Variants in CYTH3 observed in about 807,000 individuals in gnomAD.
CYTH3 encodes cytohesin 3, also known as cytohesin-3.
Under a neutral mutation model 55.1 loss-of-function variants are expected in CYTH3, and 23 were observed. The observed-to-expected ratio is 0.42, with a 90% CI of 0.30 to 0.59. The LOEUF is 0.59. Ranked by LOEUF, CYTH3 falls within the 20% of genes least tolerant of loss-of-function variation. The pLI, the probability that CYTH3 is intolerant of heterozygous loss-of-function variation, is 0.20. For missense variants in CYTH3, 413 were observed against 524.8 expected (o/e 0.79, Z 2.08); for synonymous variants, 249 against 194.9 (o/e 1.28, Z -2.31).
intron 1 of CYTH3, among the ~76,000 whole-genome samples, chr7:6,255,686 A>G (rs1291978248): frequency 2.6e-5 from 4 of 151,904 alleles, no homozygotes; most frequent in Non-Finnish European, 5.9e-5. Context: ...TTATGAAATT[A>G]AGGACTTACA....
At chr7:6,252,704 A>T (rs1052377397) in intron 1 of CYTH3, among the ~76,000 whole-genome samples, 1 of 152,166 alleles carries the variant, frequency 6.6e-6, no homozygotes, top group Admixed American at 6.5e-5. Flanking sequence ...GTGTTGAGGG[A>T]GGGAAGAAGA....
At chr7:6,267,439 C>T (rs1196196520) in intron 1 of CYTH3, among the ~76,000 whole-genome samples, 1 of 152,220 alleles carries the variant, frequency 6.6e-6, no homozygotes. Context: ...CTCAAAAATA[C>T]AGTAGTTAAC....
chr7:6,269,725 G>C (rs369896238), intron 1 of CYTH3, among the ~76,000 whole-genome samples: 2 of 152,172 alleles, frequency 1.3e-5, no homozygotes, highest in East Asian at 1.9e-4. Context: ...CGCTCCTCTT[G>C]TAACTGCCTT....
intron 1 of CYTH3, among the ~76,000 whole-genome samples, chr7:6,257,791 T>C (rs1395236944): frequency 6.6e-6 from 1 of 152,200 alleles, no homozygotes; most frequent in Non-Finnish European, 1.5e-5. Flanking sequence ...TACAGTACAC[T>C]GCTGTTCAAT....
At chr7:6,265,324 A>C (rs1008997031) in intron 1 of CYTH3, among the ~76,000 whole-genome samples, 7 of 152,074 alleles carry the variant, frequency 4.6e-5, no homozygotes, top group Non-Finnish European at 2.9e-5. Context: ...TTATGAAAAA[A>C]AAGCTTGGCT....
chr7:6,182,915 G>C (rs545757397), intron 4 of CYTH3, among the ~76,000 whole-genome samples: 3 of 152,294 alleles, frequency 2.0e-5, no homozygotes, highest in East Asian at 1.9e-4. Context: ...GTGGTGCTTG[G>C]TGGGTGTTTG....
chr7:6,244,673 C>CT (rs1178693619), intron 1 of CYTH3, among the ~76,000 whole-genome samples: 3 of 151,954 alleles, frequency 2.0e-5, no homozygotes, highest in Admixed American at 2.0e-4. Context: ...ATTTCCTAGG[C>CT]TAAATTATTG....
At chr7:6,196,248 T>G (rs151009523) in intron 1 of CYTH3, among the ~76,000 whole-genome samples, 27 of 152,074 alleles carry the variant, frequency 1.8e-4, no homozygotes, top group African/African-American at 6.3e-4. Flanking sequence ...ACACTTAGCG[T>G]TGAAGGAGAA....
At chr7:6,175,770 C>T (rs188118698) in intron 5 of CYTH3, among the ~76,000 whole-genome samples, 1 of 152,108 alleles carries the variant, frequency 6.6e-6, no homozygotes, top group African/African-American at 2.4e-5. Flanking sequence ...TGGTCTTAAA[C>T]TCCTGACCTC....
At position 6,170,059 on chromosome 7, in the gene CYTH3, G is replaced by T; in HGVS notation, c.823+476C>A. ...GAGGAATGAGCCGCTGAGGGGGCGG[G>T]GAGCCACTGGGTACCTACCTCCTAA... On this transcript the variant is annotated intron_variant, in intron 9 of 12. Transcript: ENST00000350796. The surrounding 1 kb of genome is among the most constrained non-coding windows in gnomAD (Gnocchi z 7.8). 1 of 168,776 alleles carries T rather than the reference G, an allele frequency of 5.9e-6. No individual in the cohort carries two copies. Among genetic ancestry groups the T allele is most frequent in the Admixed American group, 5.7e-5 (1 of 17,654 alleles). 10.5% of individuals were successfully genotyped at this position (168,776 alleles called of 1,614,324 possible). A position where few individuals can be genotyped will look rare whatever the true frequency, so the allele number is the denominator to read the frequency against.
Position 6,170,718 on chromosome 7 carries a change from G to A in CYTH3, c.712-72C>T, listed in dbSNP as rs566775354. The A allele has an allele frequency of 4.3e-5, 68 of 1,574,262 alleles. No homozygotes were observed. The highest frequency in any genetic ancestry group is 9.2e-5 in the South Asian group (8 of 86,712). On this transcript the variant is annotated intron_variant, in intron 8 of 12. Transcript: ENST00000350796. The surrounding 1 kb of genome is among the most constrained non-coding windows in gnomAD (Gnocchi z 7.8). Reference sequence around the variant, plus strand: ...TGGCTGGCCGGGCAGAAAGCTCAGCGGGACCAGGGCGGCAAGGAGGCTTGG... The same window carrying A: ...TGGCTGGCCGGGCAGAAAGCTCAGCAGGACCAGGGCGGCAAGGAGGCTTGG...
At chr7:6,165,449 G>GAGGC (rs762512844) in intron 11 of CYTH3, 22 bp from the exon 12 acceptor site, 1 of 1,610,108 alleles carries the variant, frequency 6.2e-7, no homozygotes, top group East Asian at 2.2e-5. Context: ...AGAGAGAGGG[G>GAGGC]AGGCGGTCAG....
chr7:6,199,869 C>A (rs1199549472), intron 1 of CYTH3, among the ~76,000 whole-genome samples: 1 of 152,104 alleles, frequency 6.6e-6, no homozygotes, highest in African/African-American at 2.4e-5. Context: ...GGAAAGCACA[C>A]GTTATAAGCT....
intron 5 of CYTH3, among the ~76,000 whole-genome samples, 190 bp from the exon 6 acceptor site, chr7:6,173,923 G>A (rs939817843): frequency 2.0e-5 from 3 of 152,026 alleles, no homozygotes; most frequent in Admixed American, 6.5e-5. Context: ...TGCAACTCCT[G>A]GGCTCAAGTG....
At chr7:6,259,760 T>TATATATATAATATATATATATA (rs1780246019) in intron 1 of CYTH3, among the ~76,000 whole-genome samples, 2 of 25,904 alleles carry the variant, frequency 7.7e-5, no homozygotes, top group African/African-American at 3.7e-4. Flanking sequence ...ATATATATTA[T>TATATATATAATATATATATATA]ATATATATAT....
intron 1 of CYTH3, among the ~76,000 whole-genome samples, chr7:6,196,463 T>C (rs914283398): frequency 8.7e-5 from 13 of 148,834 alleles, no homozygotes; most frequent in Admixed American, 3.3e-4. Flanking sequence ...TTTCTTTTTT[T>C]TTTTTTTTTT....
At chr7:6,245,189 AG>A (rs1779778238) in intron 1 of CYTH3, among the ~76,000 whole-genome samples, 1 of 151,808 alleles carries the variant, frequency 6.6e-6, no homozygotes, top group African/African-American at 2.4e-5. Flanking sequence ...CCAAAAATGC[AG>A]GGGGAAAGTG....
At chr7:6,212,161 T>C (rs1370290561) in intron 1 of CYTH3, among the ~76,000 whole-genome samples, 2 of 152,060 alleles carry the variant, frequency 1.3e-5, no homozygotes, top group African/African-American at 4.8e-5. Flanking sequence ...TGAAGCAAGG[T>C]CTCCCGATGT....
intron 9 of CYTH3, among the ~76,000 whole-genome samples, chr7:6,168,406 C>T (rs1029065071): frequency 6.6e-6 from 1 of 152,018 alleles, no homozygotes; most frequent in Non-Finnish European, 1.5e-5. Flanking sequence ...GGCCGCACTC[C>T]CCGCTGAGCA....
Sources: gnomAD v4.1 joint callset for allele counts (sites outside exome capture counted in the v4.1 genomes callset) on GRCh38, gnomAD v4.1.1 for gene constraint, Gnocchi (gnomAD v3.1) non-coding constraint, MANE v1.5 for transcripts, NCBI Gene and HGNC (gene_info 2026-07-23, HGNC 2026-07-21) for gene names.